The following PSG5 variants were observed in gnomAD, a reference collection of about 807,000 sequenced individuals.
The protein encoded by PSG5 is pregnancy-specific beta-1-glycoprotein 5.
In PSG5, 53 loss-of-function variants were observed where a neutral mutation model predicts 37.7. The ratio of observed to expected loss-of-function variants is 1.41; its 90% CI spans 1.13 to 1.77. The LOEUF is 1.77. Ranked by LOEUF, PSG5 falls within the 40% of genes most tolerant of loss-of-function variation. The pLI is 0.00. For synonymous variants in PSG5, 221 were observed against 155.4 expected, an observed-to-expected ratio of 1.42 and a Z score of -3.14; for missense variants, 547 against 405.2, an observed-to-expected ratio of 1.35 and a Z score of -3.00.
chr19:43,170,297 A>AT, intron 4 of PSG5, 159 bp from the exon 5 acceptor site: 1 of 792,236 alleles, frequency 1.3e-6, no homozygotes, highest in Non-Finnish European at 1.8e-6. Context: ...ATATTCTTGC[A>AT]GTTTTTTTTT....
chr19:43,184,647 C>G, intron 2 of PSG5, 135 bp downstream of exon 2: 1 of 1,522,862 alleles, frequency 6.6e-7, no homozygotes, highest in Non-Finnish European at 9.1e-7. Flanking sequence ...GTGTCCTGCA[C>G]TAAATGCCCA....
In PSG5 at chr19:43,185,159, A is replaced by AG; in HGVS notation, c.65-13dup. The AG allele has an allele frequency of 6.3e-7, 1 of 1,587,710 alleles. No individual in the cohort carries two copies. Among genetic ancestry groups the AG allele is most frequent in the Non-Finnish European group, 8.6e-7 (1 of 1,166,418 alleles). On this transcript the variant is annotated splice_polypyrimidine_tract_variant and intron_variant, in intron 1 of 5. Coordinates refer to ENST00000342951, the MANE Select transcript of PSG5 (RefSeq NM_002781.4). The stretch of plus-strand genomic sequence containing the variant: ...GTTTAAAAGTGATGCTAGGAGGTGG[A>AG]GAAAGCACCAGTCAATATTGAGACC...
At chr19:43,174,698 G>A (rs1484328704) in intron 4 of PSG5, 12 of 991,490 alleles carry the variant, frequency 1.2e-5, no homozygotes, top group Non-Finnish European at 1.5e-5. Context: ...ACCCCAGGTT[G>A]AGTGAGGCAG....
chr19:43,170,282 T>A, intron 4 of PSG5, 144 bp from the exon 5 acceptor site: 1 of 874,320 alleles, frequency 1.1e-6, no homozygotes, highest in South Asian at 1.6e-5. Context: ...TGATGGGAGA[T>A]GATTATATTC....
chr19:43,178,739 G>T, intron 2 of PSG5: 1 of 1,577,662 alleles, frequency 6.3e-7, no homozygotes, highest in Non-Finnish European at 8.7e-7. Context: ...GTTTTGCCTG[G>T]GGCAGAAAGT....
chr19:43,183,850 G>C (rs369694598), intron 2 of PSG5, among the ~76,000 whole-genome samples: 1 of 151,556 alleles, frequency 6.6e-6, no homozygotes, highest in Admixed American at 6.6e-5. Flanking sequence ...CTGGTTCAGT[G>C]ACTGTGCCTT....
intron 1 of PSG5, 73 bp from the exon 2 acceptor site, chr19:43,185,220 T>C: frequency 1.4e-6 from 2 of 1,475,366 alleles, no homozygotes; most frequent in Non-Finnish European, 1.8e-6. Flanking sequence ...CCCTGGGTCC[T>C]GAGAAGGTCT....
chr19:43,179,793 A>G (rs752606036), intron 2 of PSG5, among the ~76,000 whole-genome samples: 13 of 151,686 alleles, frequency 8.6e-5, no homozygotes, highest in Non-Finnish European at 1.5e-4. Flanking sequence ...AGTGACTTCT[A>G]AAGATAGAGC....
intron 4 of PSG5, chr19:43,170,822 G>A (rs555271843): frequency 2.0e-5 from 3 of 152,406 alleles, no homozygotes; most frequent in Non-Finnish European, 4.4e-5. Flanking sequence ...TCCCTCACAG[G>A]TGTCCTCCCT....
chr19:43,170,975 G>T (rs1259282037), intron 4 of PSG5: 1 of 150,152 alleles, frequency 6.7e-6, no homozygotes, highest in Non-Finnish European at 1.5e-5. Context: ...TGTTTTATGT[G>T]TTACCTCTTT....
At position 43,176,534 on chromosome 19, in the gene PSG5, T is replaced by C. The variant is rs544797581; in HGVS notation, c.431-386A>G. 2.7e-4 allele frequency among the ~76,000 whole-genome samples: 41 copies of C among 151,602 alleles called. 1 individual carries two copies. Among genetic ancestry groups the C allele is most frequent in the African/African-American group, 9.0e-4 (37 of 41,194 alleles). On this transcript the variant is annotated intron_variant, in intron 2 of 5. Transcript: ENST00000342951. ...CCCTTCCAAATTCCATCCTACTTTGTCCCCCTATATGTGATTTCTCTGCAG... is the reference window on the plus strand; with the variant it reads ...CCCTTCCAAATTCCATCCTACTTTGCCCCCCTATATGTGATTTCTCTGCAG...
chr19:43,186,298 T>C (rs1247417815), intron 1 of PSG5, 44 bp downstream of exon 1: 2 of 1,610,504 alleles, frequency 1.2e-6, no homozygotes, highest in Admixed American at 3.3e-5. Context: ...ATCCAGTCAC[T>C]CTTCTTCCTC....
At chr19:43,169,989 T>A (rs1287787577) in intron 5 of PSG5, 66 bp downstream of exon 5, 28 of 1,038,776 alleles carry the variant, frequency 2.7e-5, no homozygotes, top group Middle Eastern at 4.4e-4. Context: ...CAAATAAGTC[T>A]TTTCCCTCTC....
At chr19:43,172,423 C>A (rs182245645) in intron 4 of PSG5, among the ~76,000 whole-genome samples, 3 of 151,578 alleles carry the variant, frequency 2.0e-5, no homozygotes, top group Admixed American at 2.0e-4. Flanking sequence ...AAAAGACATT[C>A]AAATTGGAAG....
intron 4 of PSG5, among the ~76,000 whole-genome samples, chr19:43,172,690 T>A (rs1489353379): frequency 6.6e-6 from 1 of 151,582 alleles, no homozygotes; most frequent in East Asian, 1.9e-4. Flanking sequence ...GTGAAATAAT[T>A]ATACCTGAAA....
intron 4 of PSG5, among the ~76,000 whole-genome samples, chr19:43,172,410 A>G (rs944946768): frequency 6.6e-6 from 1 of 151,582 alleles, no homozygotes; most frequent in Non-Finnish European, 1.5e-5. Context: ...GCAAGAATTG[A>G]AAAAAAGACA....
At position 43,178,750 on chromosome 19, in the gene PSG5, C is replaced by T. The variant is rs1969064118; in HGVS notation, c.431-2602G>A. On this transcript the variant is annotated intron_variant, in intron 2 of 5. Coordinates refer to ENST00000342951, the MANE Select transcript of PSG5 (RefSeq NM_002781.4). ...CTCTGTTTTGCCTGGGGCAGAAAGT[C>T]ATGGCCAGCTTTGATGTCCAGGGGT... 1.3e-5 allele frequency: 20 copies of T among 1,596,364 alleles called. No homozygotes were observed. In the South Asian group the frequency reaches 1.4e-4, roughly 11 times the overall value.
At chr19:43,178,120 G>T (rs1490345545) in intron 2 of PSG5, among the ~76,000 whole-genome samples, 1 of 151,546 alleles carries the variant, frequency 6.6e-6, no homozygotes, top group Admixed American at 6.6e-5. Flanking sequence ...CCTGTGCTGG[G>T]TTTTTGATTT....
intron 2 of PSG5, chr19:43,180,364 A>C (rs865952698): frequency 1.3e-5 from 2 of 151,416 alleles, no homozygotes; most frequent in African/African-American, 4.9e-5. Context: ...TAATTTTTTT[A>C]ATTTTGGAAT....
Sources: allele counts gnomAD v4.1 joint callset (sites outside exome capture counted in the v4.1 genomes callset), GRCh38; gene constraint gnomAD v4.1.1; transcripts MANE v1.5; gene names NCBI Gene and HGNC (gene_info 2026-07-23, HGNC 2026-07-21).